DAB1: variants seen among roughly 807,000 people sequenced by gnomAD.
DAB1 encodes disabled homolog 1.
In DAB1, 15 loss-of-function variants were observed where a neutral mutation model predicts 64.6. That is an observed-to-expected ratio of 0.23 (90% CI 0.16 to 0.36). The LOEUF (loss-of-function observed/expected upper bound fraction) is 0.36. Ranked by LOEUF, DAB1 falls within the 10% of genes least tolerant of loss-of-function variation. The pLI is 1.00. For missense variants in DAB1, 596 were observed against 706.7 expected, an observed-to-expected ratio of 0.84 and a Z score of 1.78; for synonymous variants, 235 against 251.9, an observed-to-expected ratio of 0.93 and a Z score of 0.64.
At chr1:58,454,169 C>T (rs1158462331) in intron 3 of DAB1, among the ~76,000 whole-genome samples, 1 of 152,110 alleles carries the variant, frequency 6.6e-6, no homozygotes, top group African/African-American at 2.4e-5. Context: ...GGATAAAGAA[C>T]GGGATCAAAT....
chr1:58,284,150 C>T (rs1255240667), intron 4 of DAB1, among the ~76,000 whole-genome samples: 1 of 152,234 alleles, frequency 6.6e-6, no homozygotes. Flanking sequence ...GAGGCTGTTA[C>T]ATGGAGTTGG....
chr1:57,266,607 A>G (rs1212602956), intron 2 of DAB1, among the ~76,000 whole-genome samples: 2 of 152,296 alleles, frequency 1.3e-5, no homozygotes, highest in East Asian at 1.9e-4. Context: ...TTTGTTATCT[A>G]TCCTCACAAC....
chr1:58,263,713 A>G (rs979015526), intron 4 of DAB1, among the ~76,000 whole-genome samples: 5 of 152,090 alleles, frequency 3.3e-5, no homozygotes, highest in African/African-American at 9.7e-5. Flanking sequence ...TGACCATACA[A>G]ACCAACATTT....
intron 1 of DAB1, among the ~76,000 whole-genome samples, chr1:57,380,602 T>G (rs1681289399): frequency 6.6e-6 from 1 of 152,208 alleles, no homozygotes; most frequent in Admixed American, 6.5e-5. Context: ...ACAATGTGTT[T>G]ATATTGCATG....
intron 7 of DAB1, among the ~76,000 whole-genome samples, chr1:57,522,131 C>T (rs1175839716): frequency 6.6e-6 from 1 of 151,908 alleles, no homozygotes; most frequent in Non-Finnish European, 1.5e-5. Flanking sequence ...AGCCCATTAA[C>T]CCCGGTGCAT....
At chr1:58,176,353 A>G (rs1187033813) in intron 4 of DAB1, among the ~76,000 whole-genome samples, 1 of 152,216 alleles carries the variant, frequency 6.6e-6, no homozygotes. Context: ...AATAGGTTTA[A>G]TCCTTTCTCT....
intron 3 of DAB1, among the ~76,000 whole-genome samples, chr1:58,495,612 T>C (rs990734366): frequency 7.2e-5 from 11 of 152,076 alleles, no homozygotes; most frequent in Non-Finnish European, 1.5e-4. Context: ...TTCCTGATTG[T>C]CAGTAGATTC....
chr1:57,223,512 G>C (rs1305437483), intron 2 of DAB1, among the ~76,000 whole-genome samples: 3 of 152,094 alleles, frequency 2.0e-5, no homozygotes, highest in Non-Finnish European at 4.4e-5. Context: ...CCGTGTCTCT[G>C]GTCCCTATGC....
At chr1:57,672,168 A>C (rs1016723134) in intron 6 of DAB1, among the ~76,000 whole-genome samples, 2 of 152,038 alleles carry the variant, frequency 1.3e-5, no homozygotes, top group African/African-American at 4.8e-5. Context: ...TAGAACTCAA[A>C]CCCAGTTCTA....
chr1:58,226,732 A>C (rs1261290957), intron 4 of DAB1, among the ~76,000 whole-genome samples: 1 of 152,224 alleles, frequency 6.6e-6, no homozygotes, highest in Admixed American at 6.5e-5. Context: ...GGTAGGTTCT[A>C]TAATAATTCT....
At chr1:57,332,626 T>A (rs1676765377) in intron 1 of DAB1, among the ~76,000 whole-genome samples, 2 of 152,230 alleles carry the variant, frequency 1.3e-5, no homozygotes, top group Admixed American at 1.3e-4. Flanking sequence ...GATAAATGTA[T>A]CAGGTAAATT....
intron 5 of DAB1, among the ~76,000 whole-genome samples, chr1:58,038,866 G>T (rs1324285306): frequency 6.6e-6 from 1 of 152,144 alleles, no homozygotes; most frequent in Admixed American, 6.5e-5. Context: ...AATATCAAAA[G>T]ACCAAAGATA....
intron 5 of DAB1, among the ~76,000 whole-genome samples, chr1:57,996,284 T>C (rs1182601249): frequency 5.9e-5 from 9 of 152,046 alleles, no homozygotes; most frequent in Non-Finnish European, 1.2e-4. Context: ...AGGATAATGA[T>C]CTTCCCCATT....
At chr1:58,192,642 T>C (rs1010712265) in intron 4 of DAB1, among the ~76,000 whole-genome samples, 3 of 152,302 alleles carry the variant, frequency 2.0e-5, no homozygotes, top group Admixed American at 6.5e-5. Context: ...CGTGTGTGTA[T>C]GTGTATATAT....
intron 1 of DAB1, among the ~76,000 whole-genome samples, chr1:57,355,646 G>A (rs140640232): frequency 8.5e-5 from 13 of 152,064 alleles, no homozygotes; most frequent in African/African-American, 3.1e-4. Context: ...AAAACATAAA[G>A]GCAAAAGATC....
Position 57,602,053 on chromosome 1 carries a change from G to A in DAB1, n.625+47539C>T, listed in dbSNP as rs190088821. 6.5e-4 allele frequency among the ~76,000 whole-genome samples: 99 copies of A among 152,052 alleles called. 2 individuals are homozygous for A. In the East Asian group the frequency reaches 8.7e-3, roughly 13 times the overall value. ...ATAGCTTTATAGCTGTGTAATTTGG[G>A]GAAAGTCTTTTAACATTTTGAGACT... On this transcript the variant is annotated intron_variant and non_coding_transcript_variant, in intron 7 of 20. Transcript: ENST00000485760.
intron 1 of DAB1, among the ~76,000 whole-genome samples, chr1:57,331,301 A>T (rs754627860): frequency 3.3e-5 from 5 of 152,188 alleles, no homozygotes; most frequent in Non-Finnish European, 7.3e-5. Flanking sequence ...GAGGGCTCTC[A>T]TGTTTTACCC....
chr1:58,190,968 G>GGGCTCT (rs1392694492), intron 4 of DAB1, among the ~76,000 whole-genome samples: 1 of 152,186 alleles, frequency 6.6e-6, no homozygotes, highest in African/African-American at 2.4e-5. Flanking sequence ...AGGCCCCAAT[G>GGGCTCT]GGCTCTCACA....
At chr1:57,814,273 A>G (rs921837265) in intron 6 of DAB1, among the ~76,000 whole-genome samples, 4 of 152,216 alleles carry the variant, frequency 2.6e-5, no homozygotes, top group Admixed American at 2.6e-4. Flanking sequence ...GTACAGATAT[A>G]GTCTATAATG....
Sources: gnomAD v4.1 joint callset for allele counts (sites outside exome capture counted in the v4.1 genomes callset) on GRCh38, gnomAD v4.1.1 for gene constraint, MANE v1.5 for transcripts, NCBI Gene and HGNC (gene_info 2026-07-23, HGNC 2026-07-21) for gene names.